RECQL4: variants seen among roughly 807,000 people sequenced by gnomAD.
The protein encoded by RECQL4 is RecQ like helicase 4.
Under a neutral mutation model 128.6 loss-of-function variants are expected in RECQL4, and 158 were observed. The observed-to-expected ratio is 1.23, with a 90% CI of 1.08 to 1.40. The LOEUF (loss-of-function observed/expected upper bound fraction) is 1.40. RECQL4 is among the 40% of genes most tolerant of loss of function. The pLI, the probability that RECQL4 is intolerant of heterozygous loss-of-function variation, is 0.00. For synonymous variants in RECQL4, 996 were observed against 678.9 expected, an observed-to-expected ratio of 1.47 and a Z score of -7.26; for missense variants, 2,293 against 1,649.8, an observed-to-expected ratio of 1.39 and a Z score of -6.75.
At position 144,515,134 on chromosome 8, in the gene RECQL4, T is replaced by C; in HGVS notation, c.1483+16A>G. The stretch of plus-strand genomic sequence containing the variant: ...CCTGGCCTCAGCCCAGCCTCAGCCC[T>C]GGCAGCCACGCTCACCAGACAGGAT... On this transcript the variant is annotated intron_variant, in intron 8 of 20. Transcript: ENST00000617875. 1 of 1,569,042 alleles carries C rather than the reference T, an allele frequency of 6.4e-7. No homozygotes were observed. Among genetic ancestry groups the C allele is most frequent in the South Asian group, 1.2e-5 (1 of 85,756 alleles).
Position 144,517,413 on chromosome 8 carries a change from C to T in RECQL4, c.213+1G>A, listed in dbSNP as rs1411490137. On this transcript the variant is annotated splice_donor_variant, in intron 3 of 20. Coordinates refer to ENST00000617875, the MANE Select transcript of RECQL4 (RefSeq NM_004260.4). LOFTEE classifies it high-confidence loss of function. ...AGGCTGGGGCGGCGGGGCCTGGGTA[C>T]CTCTTCGGCCGCCGCGGGGAGCGAC... 2 of 1,568,624 alleles carry T rather than the reference C, an allele frequency of 1.3e-6. No individual in the cohort carries two copies. The highest frequency in any genetic ancestry group is 2.3e-5 in the South Asian group (2 of 86,622).
At position 144,516,611 on chromosome 8, in the gene RECQL4, C is replaced by G. The variant is rs774750928; in HGVS notation, c.508G>C (p.Gly170Arg). Reference protein sequence around the residue: ...PQLPEPQPRPGRLQHLQASLS... With the variant: ...PQLPEPQPRPRRLQHLQASLS... Reference sequence around the variant, plus strand: ...GATGCCTGCAGATGCTGGAGCCGGCCTGGCCTTGGCTGGGGCTCAGGGAGC... The same window carrying G: ...GATGCCTGCAGATGCTGGAGCCGGCGTGGCCTTGGCTGGGGCTCAGGGAGC... The change falls in exon 5 of 21, where the codon GGC becomes CGC. Residue 170 changes from glycine to arginine, a missense_variant. By Grantham distance (125) the Gly-to-Arg change is moderately radical. Coordinates refer to ENST00000617875, the MANE Select transcript of RECQL4 (RefSeq NM_004260.4). 6.2e-7 allele frequency: 1 copy of G among 1,610,762 alleles called. No homozygotes were observed. The highest frequency in any genetic ancestry group is 1.1e-5 in the South Asian group (1 of 90,872).
chr8:144,511,495 AG>A lies in RECQL4; in HGVS notation c.3562del (p.Leu1188CysfsTer3). 1 of 1,612,580 alleles carries A rather than the reference AG, an allele frequency of 6.2e-7. No homozygotes were observed. The highest frequency in any genetic ancestry group is 8.5e-7 in the Non-Finnish European group (1 of 1,179,796). On this transcript the variant is annotated frameshift_variant, in exon 21 of 21. Coordinates refer to ENST00000617875, the MANE Select transcript of RECQL4 (RefSeq NM_004260.4). LOFTEE classifies it low-confidence loss of function (END_TRUNC). Reference protein sequence around the residue: ...GQDRRFWRKYLHLSFHALVGL... With the variant: ...GQDRRFWRKYXHLSFHALVGL... ...CACCAGGGCATGGAAGCTCAGGTGC[AG>A]GTATTTTCTCCAGAAGCGTCGGTCC...
rs765623695 is a variant in RECQL4 at position 144,514,565 on chromosome 8, G to A, written c.1621-40C>T. The A allele has an allele frequency of 1.1e-5, 17 of 1,581,984 alleles. No individual in the cohort carries two copies. The Admixed American group carries it at 1.4e-4, about 13-fold the overall frequency. On this transcript the variant is annotated intron_variant, in intron 9 of 20. Transcript: ENST00000617875. ...GCGACAGCCGTCATACGCCAGCCCA[G>A]CCCTGGCCCTTCCCCAAGTCATCCC...
chr8:144,515,677 T>C (rs1828055018), intron 6 of RECQL4, 87 bp downstream of exon 6: 2 of 1,536,808 alleles, frequency 1.3e-6, no homozygotes, highest in Non-Finnish European at 1.8e-6. Flanking sequence ...GGAAGGCCTG[T>C]TGCTTGGAAC....
Position 144,515,644 on chromosome 8 carries a change from T to G in RECQL4, c.1258+120A>C, listed in dbSNP as rs1399841679. The G allele has an allele frequency of 8.2e-6, 12 of 1,460,740 alleles. No homozygotes were observed. The Admixed American group carries it at 1.6e-4, about 19-fold the overall frequency. 90.5% of individuals were successfully genotyped at this position (1,460,740 alleles called of 1,614,324 possible). ...CCACCCTCCTTCAGGGGAGCTAGGG[T>G]AGGGCCTGGACCAGGGGTACCTGGA... On this transcript the variant is annotated intron_variant, in intron 6 of 20. Coordinates refer to ENST00000617875, the MANE Select transcript of RECQL4 (RefSeq NM_004260.4).
chr8:144,511,732 G>T lies in RECQL4; in HGVS notation c.3451C>A (p.Pro1151Thr). ...GCCCTGCTGGAGAACTTCTCCTCTG[G>T]CCTCAGGGACAGGAACTGGCGGATG... ...CDIRQFLSLRPEEKFSSRAVA... is the reference protein window; with the variant it reads ...CDIRQFLSLRTEEKFSSRAVA... The change falls in exon 20 of 21, where the codon CCA (proline) becomes ACA (threonine). Residue 1151 changes from proline (P) to threonine (T), a missense_variant. Coordinates refer to ENST00000617875, the MANE Select transcript of RECQL4 (RefSeq NM_004260.4). 6.2e-7 allele frequency: 1 copy of T among 1,612,550 alleles called. No homozygotes were observed. Among genetic ancestry groups the T allele is most frequent in the Non-Finnish European group, 8.5e-7 (1 of 1,179,814 alleles).
In RECQL4 at chr8:144,513,516, G is replaced by A. The variant is rs771883247; in HGVS notation, c.2201-36C>T. 6 of 1,610,588 alleles carry A rather than the reference G, an allele frequency of 3.7e-6. No homozygotes were observed. In the Admixed American group the frequency reaches 5.0e-5, roughly 13 times the overall value. Reference sequence around the variant, plus strand: ...GACAGGCAGATGGTCAGTGGGATGGGACCATGTGTGCCCAAGGTGGGTCCA... The same window carrying A: ...GACAGGCAGATGGTCAGTGGGATGGAACCATGTGTGCCCAAGGTGGGTCCA... On this transcript the variant is annotated intron_variant, in intron 13 of 20. Transcript: ENST00000617875.
chr8:144,513,187 CA>C lies in RECQL4; in HGVS notation c.2463+30del, dbSNP rs1564794098. 7 of 1,489,490 alleles carry C rather than the reference CA, an allele frequency of 4.7e-6. 1 individual carries two copies. In the South Asian group the frequency reaches 7.3e-5, roughly 15 times the overall value. 92.3% of individuals were successfully genotyped at this position (1,489,490 alleles called of 1,614,324 possible). A position where few individuals can be genotyped will look rare whatever the true frequency, so the allele number is the denominator to read the frequency against. ...TGGGGTGGACCACTGGGGGCTCGAG[CA>C]CTGGCAGTGTGGGGGGGGGGGGTGC... On this transcript the variant is annotated intron_variant, in intron 14 of 20. Coordinates refer to ENST00000617875, the MANE Select transcript of RECQL4 (RefSeq NM_004260.4).
Position 144,512,049 on chromosome 8 carries a change from G to A in RECQL4, c.3255C>T (p.Cys1085=), listed in dbSNP as rs779365826. Residue 1085 remains cysteine, a synonymous_variant, in exon 19 of 21, where the codon TGC becomes TGT. Coordinates refer to ENST00000617875, the MANE Select transcript of RECQL4 (RefSeq NM_004260.4). ...CATCCTGCTGCTCCAGGCAGGGCCC[G>A]CAGCTGGGGAAGGCTACGCTGTGGG... ...QAFHSVAFPS[C]GPCLEQQDEE... is the part of the protein sequence containing the mutation. 8.7e-6 allele frequency: 14 copies of A among 1,608,094 alleles called. No homozygotes were observed. Among genetic ancestry groups the A allele is most frequent in the Admixed American group, 6.7e-5 (4 of 59,488 alleles).
At position 144,515,424 on chromosome 8, in the gene RECQL4, T is replaced by C. The variant is rs1342271031; in HGVS notation, c.1292A>G (p.Glu431Gly). The change falls in exon 7 of 21, where the codon GAG (glutamate) becomes GGG (glycine). Residue 431 changes from glutamate (E) to glycine (G), a missense_variant. By Grantham distance (98) the Glu-to-Gly change is moderately conservative. Transcript: ENST00000617875. ...AGGTTGTGGTGAAGGAACCAGTGGC[T>C]CAGGCCCAACAGCATCTGTGTCTTC... Reference protein sequence around the residue: ...SEEDTDAVGPEPLVPSPQPVP... With the variant: ...SEEDTDAVGPGPLVPSPQPVP... 4 of 1,612,794 alleles carry C rather than the reference T, an allele frequency of 2.5e-6. 1 individual carries two copies. The highest frequency in any genetic ancestry group is 3.3e-4 in the Middle Eastern group (2 of 6,060).
At position 144,515,039 on chromosome 8, in the gene RECQL4, G is replaced by C. The variant is rs1237298928; in HGVS notation, c.1517C>G (p.Ala506Gly). Residue 506 changes from alanine to glycine, a missense_variant, in exon 9 of 21, where the codon GCC becomes GGC. Ala to Gly is a moderately conservative substitution (Grantham distance 60, BLOSUM62 0). Coordinates refer to ENST00000617875, the MANE Select transcript of RECQL4 (RefSeq NM_004260.4). ...ISTLLVLPTG[A>G]GKSLCYQLPA... ...GAGCTGGTAGCACAGGGACTTGCCG[G>C]CACCTGTAGGCAGCACCAGCAGCGT... The C allele has an allele frequency of 3.7e-6, 6 of 1,609,258 alleles. No individual in the cohort carries two copies. The African/African-American group carries it at 6.7e-5, about 18-fold the overall frequency.
chr8:144,512,275 G>A lies in RECQL4; in HGVS notation c.3105C>T (p.Phe1035=), dbSNP rs1201355033. The A allele has an allele frequency of 6.2e-7, 1 of 1,612,416 alleles. No homozygotes were observed. Among genetic ancestry groups the A allele is most frequent in the Non-Finnish European group, 8.5e-7 (1 of 1,179,804 alleles). Residue 1035 remains phenylalanine (F), a synonymous_variant, in exon 18 of 21, where the codon TTC becomes TTT. Transcript: ENST00000617875. ...TCAAGTCCCCCGGGCTGCGAAGGTG[G>A]AAGGCCAGCTCACTGAACTCCACAA... ...GVLVEFSELA[F]HLRSPGDLTA... is the part of the protein sequence containing the mutation.
Position 144,512,851 on chromosome 8 carries a change from C to T in RECQL4, c.2751G>A (p.Glu917=), listed in dbSNP as rs768002459. ...QLTVQALDMP[E]EAIETLLCYL... Reference sequence around the variant, plus strand: ...GGCTTACCCCAGGTTCCTCACCCTCCTCCGGCATGTCCAAAGCCTGTACGG... The same window carrying T: ...GGCTTACCCCAGGTTCCTCACCCTCTTCCGGCATGTCCAAAGCCTGTACGG... Residue 917 remains glutamate, a synonymous_variant, in exon 15 of 21, where the codon GAG becomes GAA. Transcript: ENST00000617875. The T allele has an allele frequency of 2.9e-5, 47 of 1,604,726 alleles. No individual in the cohort carries two copies. In the East Asian group the frequency reaches 9.9e-4, roughly 34 times the overall value.
At position 144,515,202 on chromosome 8, in the gene RECQL4, C is replaced by A. The variant is rs760661879; in HGVS notation, c.1431G>T (p.Gly477=). 5.7e-6 allele frequency: 9 copies of A among 1,571,904 alleles called. No homozygotes were observed. Among genetic ancestry groups the A allele is most frequent in the Admixed American group, 5.6e-5 (3 of 53,358 alleles). Residue 477 remains glycine (G), a synonymous_variant, in exon 8 of 21, where the codon GGG becomes GGT. Coordinates refer to ENST00000617875, the MANE Select transcript of RECQL4 (RefSeq NM_004260.4). The stretch of plus-strand genomic sequence containing the variant: ...CCTGCCCAGGGCGAAAGGCTTGGTG[C>A]CCCAGCTGCTCCAGGGCCTGGAACA... ...AEVFQALEQL[G]HQAFRPGQER... is the part of the protein sequence containing the mutation.
At position 144,513,683 on chromosome 8, in the gene RECQL4, AC is replaced by A; in HGVS notation, c.2087del (p.Arg696LeufsTer147). 1.3e-6 allele frequency: 2 copies of A among 1,549,040 alleles called. No homozygotes were observed. Among genetic ancestry groups the A allele is most frequent in the Non-Finnish European group, 1.7e-6 (2 of 1,147,572 alleles). ...TGATAATGGAATCGAGGTTTTGAAA[AC>A]GTTTGCCTTGCAGCAGCGTCAACAG... is the stretch of plus-strand genomic sequence containing the variant. ...QALLTLLQGK[R>X]FQNLDSIIIY... On this transcript the variant is annotated frameshift_variant, in exon 13 of 21. Transcript: ENST00000617875. LOFTEE classifies it high-confidence loss of function.
rs1220650736 is a variant in RECQL4, at chr8:144,516,157, C to T, written c.962G>A (p.Gly321Glu). 9 of 1,613,248 alleles carry T rather than the reference C, an allele frequency of 5.6e-6. No homozygotes were observed. The African/African-American group carries it at 1.1e-4, about 19-fold the overall frequency. Residue 321 changes from glycine (G) to glutamate (E), a missense_variant, in exon 5 of 21, where the codon GGA becomes GAA. By Grantham distance (98) the Gly-to-Glu change is moderately conservative. Coordinates refer to ENST00000617875, the MANE Select transcript of RECQL4 (RefSeq NM_004260.4). ...CSSPSNPRYH[G>E]LSPSSQARAG... ...CCTAGCTTGACTGGAGGGGCTGAGT[C>T]CGTGGTACCTGGGGTTCGATGGGCT...
Position 144,516,650 on chromosome 8 carries a change from C to T in RECQL4, c.469G>A (p.Asp157Asn), listed in dbSNP as rs746791320. Residue 157 changes from aspartate (D) to asparagine (N), a missense_variant, in exon 5 of 21, where the codon GAT (aspartate) becomes AAT (asparagine). Coordinates refer to ENST00000617875, the MANE Select transcript of RECQL4 (RefSeq NM_004260.4). The part of the protein sequence containing the change: ...PVPSFAEKVS[D>N]EPPQLPEPQP... ...GGCTCAGGGAGCTGTGGAGGCTCAT[C>T]ACTGACTTTTTCTGCAAAGGAGGGG... 2.5e-6 allele frequency: 4 copies of T among 1,604,750 alleles called. No homozygotes were observed. The highest frequency in any genetic ancestry group is 1.1e-5 in the South Asian group (1 of 90,464).
In RECQL4 at chr8:144,516,040, T is replaced by C. The variant is rs750933989; in HGVS notation, c.1079A>G (p.Gln360Arg). 1.2e-6 allele frequency: 2 copies of C among 1,612,178 alleles called. No homozygotes were observed. Among genetic ancestry groups the C allele is most frequent in the Non-Finnish European group, 1.7e-6 (2 of 1,179,428 alleles). Reference sequence around the variant, plus strand: ...TGCCCGGCCCCGCACGTAGTGTTTCTGCTTCATGTTGAGCCGTACGTAATT... The same window carrying C: ...TGCCCGGCCCCGCACGTAGTGTTTCCGCTTCATGTTGAGCCGTACGTAATT... ...RGNYVRLNMKQKHYVRGRALR... is the reference protein window; with the variant it reads ...RGNYVRLNMKRKHYVRGRALR... Residue 360 changes from glutamine to arginine, a missense_variant, in exon 5 of 21, where the codon CAG (glutamine) becomes CGG (arginine). Transcript: ENST00000617875.
Sources: allele counts gnomAD v4.1 joint callset, GRCh38; gene constraint gnomAD v4.1.1; transcripts MANE v1.5; gene names NCBI Gene and HGNC (gene_info 2026-07-23, HGNC 2026-07-21).